Variants in LTBP1 observed in about 807,000 individuals in gnomAD.
LTBP1 encodes the protein latent transforming growth factor beta binding protein 1.
Under a neutral mutation model 207.6 loss-of-function variants are expected in LTBP1, and 129 were observed. The observed-to-expected ratio is 0.62, with a 90% CI of 0.54 to 0.72. LTBP1 has a LOEUF of 0.72. Ranked by LOEUF, LTBP1 falls within the 30% of genes least tolerant of loss-of-function variation. The pLI, the probability that LTBP1 is intolerant of heterozygous loss-of-function variation, is 0.00. For synonymous variants in LTBP1, 963 were observed against 833.7 expected (o/e 1.16, Z -2.67); for missense variants, 2,281 against 2,217.2 (o/e 1.03, Z -0.58).
chr2:33,272,521 A>G (rs1477580451), intron 15 of LTBP1, among the ~76,000 whole-genome samples: 1 of 152,258 alleles, frequency 6.6e-6, no homozygotes, highest in African/African-American at 2.4e-5. Context: ...CTTCAATATG[A>G]ACAATAATGG....
chr2:33,126,907 G>A (rs564873530), intron 4 of LTBP1, among the ~76,000 whole-genome samples: 13 of 152,156 alleles, frequency 8.5e-5, no homozygotes, highest in Non-Finnish European at 1.9e-4. Flanking sequence ...AATTAATTTA[G>A]AGATTTTAAA....
chr2:33,161,517 T>G (rs1167639071), intron 5 of LTBP1, among the ~76,000 whole-genome samples: 2 of 152,212 alleles, frequency 1.3e-5, no homozygotes, highest in African/African-American at 4.8e-5. Context: ...TCCACCTGCC[T>G]CAGCCTTCCA....
intron 9 of LTBP1, among the ~76,000 whole-genome samples, chr2:33,237,729 C>A (rs910903974): frequency 6.6e-6 from 1 of 152,058 alleles, no homozygotes. Context: ...GTGAATTGTT[C>A]ATTTATTCTG....
intron 5 of LTBP1, among the ~76,000 whole-genome samples, chr2:33,148,879 G>A (rs1429410767): frequency 1.3e-5 from 2 of 152,160 alleles, no homozygotes; most frequent in African/African-American, 4.8e-5. Flanking sequence ...GCGTATAGTG[G>A]GTGGAGGCCG....
intron 2 of LTBP1, among the ~76,000 whole-genome samples, chr2:32,995,325 A>G (rs761487436): frequency 3.5e-4 from 53 of 152,150 alleles, no homozygotes; most frequent in Non-Finnish European, 6.9e-4. Flanking sequence ...TCAAGTGCAC[A>G]TTCTGACCTA....
At chr2:33,353,470 C>T (rs2094810648) in intron 26 of LTBP1, among the ~76,000 whole-genome samples, 2 of 152,216 alleles carry the variant, frequency 1.3e-5, no homozygotes, top group African/African-American at 2.4e-5. Flanking sequence ...CAAAACAGCT[C>T]ACTGCTGAGC....
At chr2:33,142,296 C>A (rs1242683562) in intron 5 of LTBP1, among the ~76,000 whole-genome samples, 1 of 152,056 alleles carries the variant, frequency 6.6e-6, no homozygotes, top group Non-Finnish European at 1.5e-5. Flanking sequence ...ATCTCGTGAT[C>A]CGCCCGCCTC....
chr2:33,387,914 C>G (rs1468694511), intron 31 of LTBP1, among the ~76,000 whole-genome samples: 2 of 152,212 alleles, frequency 1.3e-5, no homozygotes, highest in Admixed American at 1.3e-4. Context: ...CTGCCCCACT[C>G]ATGTCCATCT....
In LTBP1 at chr2:33,365,486, G is replaced by T; in HGVS notation, c.4694G>T (p.Cys1565Phe). 1 of 1,613,836 alleles carries T rather than the reference G, an allele frequency of 6.2e-7. No individual in the cohort carries two copies. Among genetic ancestry groups the T allele is most frequent in the Non-Finnish European group, 8.5e-7 (1 of 1,179,862 alleles). ...GCCTGGGGCATGCAGTGTGCCCTCT[G>T]CCCCCTGAAGGATTCAGGTGAGCCC... ...GEAWGMQCAL[C>F]PLKDSDDYAQ... The change falls in exon 31 of 34, where the codon TGC (cysteine) becomes TTC (phenylalanine). Residue 1565 changes from cysteine (C) to phenylalanine (F), a missense_variant. Cys to Phe is a radical substitution (Grantham distance 205). Around this residue, in one of 3 missense-constraint regions of LTBP1, gnomAD observed 1,671 missense variants for 1,634.8 expected, o/e 1.02. Transcript: ENST00000404816.
chr2:33,311,152 A>G (rs6710588), intron 23 of LTBP1, among the ~76,000 whole-genome samples: 343 of 152,266 alleles, frequency 2.3e-3, no homozygotes, highest in African/African-American at 7.2e-3. Context: ...TTATATATCT[A>G]TATTACCGGT....
intron 30 of LTBP1, among the ~76,000 whole-genome samples, chr2:33,364,684 G>A (rs2094963350): frequency 6.6e-6 from 1 of 152,192 alleles, no homozygotes; most frequent in South Asian, 2.1e-4. Context: ...ATAATTAGGT[G>A]CACTCAGCAG....
At chr2:33,055,781 C>T (rs1414917476) in intron 3 of LTBP1, among the ~76,000 whole-genome samples, 7 of 152,198 alleles carry the variant, frequency 4.6e-5, no homozygotes, top group African/African-American at 1.7e-4. Flanking sequence ...GAGAAGGGGA[C>T]ATGTACCTGG....
chr2:32,949,684 C>T (rs2148203716), intron 2 of LTBP1, among the ~76,000 whole-genome samples: 1 of 152,290 alleles, frequency 6.6e-6, no homozygotes, highest in African/African-American at 2.4e-5. Context: ...GGAGCCTTAC[C>T]TTCCCCCTCA....
intron 2 of LTBP1, among the ~76,000 whole-genome samples, chr2:32,983,523 T>A (rs1683079732): frequency 6.6e-6 from 1 of 152,148 alleles, no homozygotes; most frequent in Non-Finnish European, 1.5e-5. Flanking sequence ...AGGGGTGGAA[T>A]GATATGGTTT....
Position 33,152,344 on chromosome 2 carries a change from T to C in LTBP1, c.1201+17384T>C, listed in dbSNP as rs1443534829. ...TCAGCATCACTAATGATCAGGGAAA[T>C]GCAAATCAAAACTACAGTGCGATAC... is the stretch of plus-strand genomic sequence containing the variant. On this transcript the variant is annotated intron_variant, in intron 5 of 33. Coordinates refer to ENST00000404816, the MANE Select transcript of LTBP1 (RefSeq NM_206943.4). 2.0e-5 allele frequency among the ~76,000 whole-genome samples: 3 copies of C among 152,094 alleles called. No homozygotes were observed. In the East Asian group the frequency reaches 5.8e-4, roughly 29 times the overall value.
At chr2:33,293,408 T>C (rs185771360) in intron 20 of LTBP1, 126 bp downstream of exon 20, 17 of 905,462 alleles carry the variant, frequency 1.9e-5, no homozygotes, top group African/African-American at 1.4e-4. Context: ...TTAGAGCACA[T>C]ATTGGTTGGC....
At chr2:33,385,857 G>A (rs961325338) in intron 31 of LTBP1, among the ~76,000 whole-genome samples, 2 of 152,166 alleles carry the variant, frequency 1.3e-5, no homozygotes, top group African/African-American at 4.8e-5. Context: ...GAGAAGACAT[G>A]GTGCAGAAAG....
intron 3 of LTBP1, among the ~76,000 whole-genome samples, chr2:33,062,794 G>A (rs946958252): frequency 2.0e-5 from 3 of 152,170 alleles, no homozygotes; most frequent in African/African-American, 7.2e-5. Flanking sequence ...AACCAAGATA[G>A]CTACTAAGTG....
At chr2:33,270,258 C>A (rs1473128940) in intron 15 of LTBP1, among the ~76,000 whole-genome samples, 3 of 151,702 alleles carry the variant, frequency 2.0e-5, no homozygotes, top group Non-Finnish European at 2.9e-5. Flanking sequence ...GAATAGAAAG[C>A]AGACAGGGGT....
Sources: allele counts gnomAD v4.1 joint callset (sites outside exome capture counted in the v4.1 genomes callset), GRCh38; gene constraint gnomAD v4.1.1; regional missense constraint gnomAD v4.1.1; transcripts MANE v1.5; gene names NCBI Gene and HGNC (gene_info 2026-07-23, HGNC 2026-07-21).